Variants in PAPSS2 observed in about 807,000 individuals in gnomAD.
PAPSS2 encodes the protein 3'-phosphoadenosine 5'-phosphosulfate synthase 2, also known as bifunctional 3'-phosphoadenosine 5'-phosphosulfate synthase 2.
A neutral mutation model predicts 66.5 loss-of-function variants in PAPSS2; 61 were observed. That is an observed-to-expected ratio of 0.92 (90% CI 0.75 to 1.14). The LOEUF is 1.14. Ranked by LOEUF, PAPSS2 falls within the 50% of genes most tolerant of loss-of-function variation. The pLI is 0.00. For synonymous variants in PAPSS2, 289 were observed against 287.5 expected, an observed-to-expected ratio of 1.01 and a Z score of -0.05; for missense variants, 708 against 789.6, an observed-to-expected ratio of 0.90 and a Z score of 1.24.
chr10:87,659,901 CTGCT>C lies in PAPSS2; in HGVS notation c.-80_-77del, dbSNP rs1852725336. On this transcript the variant is annotated 5_prime_UTR_variant, in exon 1 of 13. Transcript: ENST00000456849. Reference sequence around the variant, plus strand: ...GCAGCCGCTGCTGCTGCTGCTGCTGCTGCTGCCGCCGCCGCCGCCGCCGTCCCTG... The same window carrying C: ...GCAGCCGCTGCTGCTGCTGCTGCTGCGCCGCCGCCGCCGCCGCCGTCCCTG... The C allele has an allele frequency of 6.2e-6, 9 of 1,446,118 alleles. No homozygotes were observed. The highest frequency in any genetic ancestry group is 2.3e-5 in the East Asian group (1 of 43,248). The allele number at this position is 1,446,118 out of a possible 1,614,324, so 89.6% of individuals were successfully genotyped here. A position where few individuals can be genotyped will look rare whatever the true frequency, so the allele number is the denominator to read the frequency against.
intron 1 of PAPSS2, among the ~76,000 whole-genome samples, chr10:87,678,034 T>A (rs569707137): frequency 6.6e-6 from 1 of 152,266 alleles, no homozygotes; most frequent in African/African-American, 2.4e-5. Context: ...AAAACATGAA[T>A]CTTATATAAT....
chr10:87,705,473 G>A (rs1853371104), intron 1 of PAPSS2, among the ~76,000 whole-genome samples: 1 of 152,198 alleles, frequency 6.6e-6, no homozygotes, highest in Non-Finnish European at 1.5e-5. Flanking sequence ...GAGTCATGGG[G>A]AAGGTAAATG....
At chr10:87,740,145 A>T (rs1853849132) in intron 9 of PAPSS2, among the ~76,000 whole-genome samples, 1 of 152,070 alleles carries the variant, frequency 6.6e-6, no homozygotes, top group Admixed American at 6.5e-5. Flanking sequence ...TAATTCAAGG[A>T]AAACAGCTGA....
intron 1 of PAPSS2, among the ~76,000 whole-genome samples, chr10:87,707,573 T>C (rs972172479): frequency 2.8e-4 from 39 of 141,512 alleles, no homozygotes; most frequent in East Asian, 6.0e-4. Context: ...TCTTTTTTTT[T>C]TTTTTTTTTT....
intron 1 of PAPSS2, among the ~76,000 whole-genome samples, chr10:87,688,975 CTG>C (rs572137289): frequency 4.7e-5 from 4 of 85,490 alleles, no homozygotes; most frequent in Non-Finnish European, 7.7e-5. Flanking sequence ...AAAAAAAAAA[CTG>C]TATGGAAAGC....
rs761222153 is a variant in PAPSS2 at position 87,660,014 on chromosome 10, C to T, written c.27+6C>T. 7.4e-6 allele frequency: 12 copies of T among 1,612,084 alleles called. No homozygotes were observed. Among genetic ancestry groups the T allele is most frequent in the Admixed American group, 1.7e-5 (1 of 59,898 alleles). ...GGATCAAGAAGCAAAAGACGGTAGGCTTCCAGGCGCCGGCTTCCCTCCCCG... is the reference window on the plus strand; with the variant it reads ...GGATCAAGAAGCAAAAGACGGTAGGTTTCCAGGCGCCGGCTTCCCTCCCCG... On this transcript the variant is annotated splice_donor_region_variant and intron_variant, in intron 1 of 12. Transcript: ENST00000456849.
At chr10:87,699,936 AAGG>A (rs1433534241) in intron 1 of PAPSS2, among the ~76,000 whole-genome samples, 1 of 152,062 alleles carries the variant, frequency 6.6e-6, no homozygotes, top group Non-Finnish European at 1.5e-5. Context: ...TAGAGAAGAG[AAGG>A]AAAATAGTTA....
At chr10:87,666,177 T>G (rs934409519) in intron 1 of PAPSS2, among the ~76,000 whole-genome samples, 1 of 152,196 alleles carries the variant, frequency 6.6e-6, no homozygotes, top group African/African-American at 2.4e-5. Context: ...TTGGCCAGAC[T>G]GGTCTTGAAC....
chr10:87,736,072 TG>T (rs1222572225), intron 9 of PAPSS2, among the ~76,000 whole-genome samples: 1 of 152,142 alleles, frequency 6.6e-6, no homozygotes, highest in East Asian at 1.9e-4. Context: ...GAAAGGTACT[TG>T]GGGTTTGATT....
intron 11 of PAPSS2, among the ~76,000 whole-genome samples, chr10:87,744,402 C>A (rs779937047): frequency 1.3e-5 from 2 of 152,178 alleles, no homozygotes; most frequent in Non-Finnish European, 2.9e-5. Context: ...TTTGAACGAG[C>A]TGGCTGCAAG....
At chr10:87,743,762 T>A in intron 11 of PAPSS2, 121 bp downstream of exon 11, 1 of 1,170,066 alleles carries the variant, frequency 8.5e-7, no homozygotes, top group Non-Finnish European at 1.3e-6. Context: ...TGGAATGTTC[T>A]GGTGTCTCTT....
chr10:87,736,353 C>T (rs753080439), intron 9 of PAPSS2, among the ~76,000 whole-genome samples: 1 of 150,012 alleles, frequency 6.7e-6, no homozygotes, highest in Non-Finnish European at 1.5e-5. Context: ...CTGCAACCTC[C>T]GCCTCCCAGG....
At chr10:87,702,963 C>A (rs1267876625) in intron 1 of PAPSS2, among the ~76,000 whole-genome samples, 1 of 152,136 alleles carries the variant, frequency 6.6e-6, no homozygotes, top group Admixed American at 6.5e-5. Context: ...CCTGTCACGA[C>A]CCTCGGCACT....
chr10:87,699,087 T>C (rs1010811191), intron 1 of PAPSS2, among the ~76,000 whole-genome samples: 1 of 152,214 alleles, frequency 6.6e-6, no homozygotes, highest in African/African-American at 2.4e-5. Flanking sequence ...AGGTTGCCAT[T>C]TGTCATATCA....
intron 6 of PAPSS2, 61 bp downstream of exon 6, chr10:87,715,159 C>A: frequency 1.2e-6 from 1 of 868,966 alleles, no homozygotes; most frequent in Non-Finnish European, 2.0e-6. Context: ...AATTTATTTA[C>A]AATTACTCTT....
intron 1 of PAPSS2, among the ~76,000 whole-genome samples, chr10:87,667,557 T>C (rs892157677): frequency 2.6e-5 from 4 of 152,220 alleles, no homozygotes; most frequent in African/African-American, 7.2e-5. Flanking sequence ...ATAAGTTGCC[T>C]CTGATGACAC....
In PAPSS2 at chr10:87,743,430, T is replaced by A. The variant is rs1489573125; in HGVS notation, c.1280T>A (p.Met427Lys). The change falls in exon 11 of 13, where the codon ATG (methionine) becomes AAG (lysine). Residue 427 changes from methionine to lysine, a missense_variant. Transcript: ENST00000456849. ...GTCCACAATGGCCATGCCCTGTTGA[T>A]GCAGGACACTCGCCGCAGGCTCCTA... is the stretch of plus-strand genomic sequence containing the variant. ...NPVHNGHALL[M>K]QDTRRRLLER... 1 of 1,614,110 alleles carries A rather than the reference T, an allele frequency of 6.2e-7. No homozygotes were observed. Among genetic ancestry groups the A allele is most frequent in the African/African-American group, 1.3e-5 (1 of 75,034 alleles).
rs1264068710 is a variant in PAPSS2, at chr10:87,714,802, A to C, written c.578A>C (p.Lys193Thr). 1.2e-6 allele frequency: 2 copies of C among 1,613,784 alleles called. No homozygotes were observed. Among genetic ancestry groups the C allele is most frequent in the South Asian group, 2.2e-5 (2 of 91,060 alleles). ...EKPETPERVLKTNLSTVSDCV... is the reference protein window; with the variant it reads ...EKPETPERVLTTNLSTVSDCV... ...CCTGAAACTCCTGAGCGTGTGCTTA[A>C]AACCAATTTGTCCACAGTGAGTGAC... Residue 193 changes from lysine (K) to threonine (T), a missense_variant, in exon 5 of 13, where the codon AAA becomes ACA. Coordinates refer to ENST00000456849, the MANE Select transcript of PAPSS2 (RefSeq NM_001015880.2).
chr10:87,667,292 A>G (rs1021909619), intron 1 of PAPSS2, among the ~76,000 whole-genome samples: 2 of 152,096 alleles, frequency 1.3e-5, no homozygotes, highest in African/African-American at 2.4e-5. Flanking sequence ...TGTCTCTACA[A>G]AAATGCAAAA....
Sources: allele counts gnomAD v4.1 joint callset (sites outside exome capture counted in the v4.1 genomes callset), GRCh38; gene constraint gnomAD v4.1.1; transcripts MANE v1.5; gene names NCBI Gene and HGNC (gene_info 2026-07-23, HGNC 2026-07-21).